The following FBXL13 variants were observed in gnomAD, a reference collection of about 807,000 sequenced individuals.
The protein encoded by FBXL13 is F-box and leucine-rich repeat protein 13.
Under a neutral mutation model 83.6 loss-of-function variants are expected in FBXL13, and 67 were observed. That is an observed-to-expected ratio of 0.80 (90% confidence interval 0.66 to 0.98). The LOEUF (loss-of-function observed/expected upper bound fraction) is 0.98, where lower values mean the gene tolerates loss of function less well. Among genes scored for constraint, FBXL13 ranks in the 50% least tolerant of loss-of-function variants. FBXL13 has a pLI of 0.00. For missense variants in FBXL13, 822 were observed against 866.5 expected (o/e 0.95, Z 0.64); for synonymous variants, 272 against 299.5 (o/e 0.91, Z 0.95).
At chr7:102,981,893 A>T (rs1828276482) in intron 6 of FBXL13, among the ~76,000 whole-genome samples, 1 of 152,184 alleles carries the variant, frequency 6.6e-6, no homozygotes, top group Admixed American at 6.5e-5. Context: ...TATGTTTCCC[A>T]AATTCCATTA....
At chr7:102,976,324 G>A (rs1827450087) in intron 6 of FBXL13, 1 of 634,244 alleles carries the variant, frequency 1.6e-6, no homozygotes, top group Non-Finnish European at 2.8e-6. Flanking sequence ...AGTCTCTATT[G>A]TGGAAATTGA....
intron 10 of FBXL13, among the ~76,000 whole-genome samples, chr7:102,920,552 T>C (rs753762908): frequency 4.6e-5 from 7 of 152,182 alleles, no homozygotes; most frequent in Non-Finnish European, 8.8e-5. Context: ...AGTTTTACCA[T>C]GTTGCCCAGG....
At chr7:102,997,630 T>C (rs1375154010) in intron 6 of FBXL13, among the ~76,000 whole-genome samples, 3 of 152,194 alleles carry the variant, frequency 2.0e-5, no homozygotes, top group Non-Finnish European at 4.4e-5. Context: ...CTCCATGAGA[T>C]CCACTTTTTT....
At chr7:102,834,128 AAG>A (rs1484157041) in intron 17 of FBXL13, among the ~76,000 whole-genome samples, 1 of 104,754 alleles carries the variant, frequency 9.5e-6, no homozygotes, top group Non-Finnish European at 1.9e-5. Context: ...GAAAGAAAGA[AAG>A]AAAGAAAGAA....
At chr7:103,022,584 C>A (rs1793334779) in intron 6 of FBXL13, among the ~76,000 whole-genome samples, 1 of 152,116 alleles carries the variant, frequency 6.6e-6, no homozygotes, top group Non-Finnish European at 1.5e-5. Context: ...AAGAACTCTT[C>A]ATTCAATAAA....
intron 8 of FBXL13, among the ~76,000 whole-genome samples, chr7:102,954,517 G>A (rs1209137218): frequency 2.0e-5 from 3 of 152,106 alleles, no homozygotes; most frequent in Non-Finnish European, 4.4e-5. Context: ...ACATCATAAC[G>A]ACAGGAAAAC....
chr7:102,944,256 C>T (rs773942585), intron 8 of FBXL13: 1 of 1,612,050 alleles, frequency 6.2e-7, no homozygotes, highest in Non-Finnish European at 8.5e-7. Flanking sequence ...ATTTATCAAA[C>T]AACAGTCTGC....
chr7:102,900,656 C>T (rs1403388812), intron 11 of FBXL13, among the ~76,000 whole-genome samples: 1 of 152,138 alleles, frequency 6.6e-6, no homozygotes, highest in Admixed American at 6.5e-5. Flanking sequence ...TTCACCGGTT[C>T]TTCATGAAGC....
At chr7:103,011,703 G>A (rs1223165591) in intron 6 of FBXL13, among the ~76,000 whole-genome samples, 1 of 151,308 alleles carries the variant, frequency 6.6e-6, no homozygotes, top group African/African-American at 2.4e-5. Flanking sequence ...TAATGTACTT[G>A]TAAGTATTAA....
intron 10 of FBXL13, among the ~76,000 whole-genome samples, chr7:102,922,743 C>T (rs56319120): frequency 6.6e-5 from 10 of 152,006 alleles, no homozygotes; most frequent in Non-Finnish European, 1.3e-4. Flanking sequence ...GAGGCCGAGG[C>T]GGGCGGATCA....
intron 17 of FBXL13, among the ~76,000 whole-genome samples, chr7:102,850,073 A>C (rs1196162308): frequency 6.6e-6 from 1 of 152,166 alleles, no homozygotes; most frequent in Non-Finnish European, 1.5e-5. Flanking sequence ...CTTTTAGATT[A>C]CTGAAAATAA....
At chr7:102,900,377 T>A (rs1256315891) in intron 11 of FBXL13, among the ~76,000 whole-genome samples, 1 of 152,228 alleles carries the variant, frequency 6.6e-6, no homozygotes, top group East Asian at 1.9e-4. Flanking sequence ...TGTAAGCTCC[T>A]ATTCTCAAGG....
intron 8 of FBXL13, among the ~76,000 whole-genome samples, chr7:102,944,057 G>A (rs1821974512): frequency 6.6e-6 from 1 of 152,134 alleles, no homozygotes; most frequent in African/African-American, 2.4e-5. Flanking sequence ...GTTTTCTAAA[G>A]TAAAAGCTCT....
Position 102,875,447 on chromosome 7 carries a change from TG to T in FBXL13, c.1635+2019del, listed in dbSNP as rs369179496. Among the ~76,000 whole-genome samples, 565 of 152,094 alleles carry T rather than the reference TG, an allele frequency of 3.7e-3. 5 individuals carry two copies. The highest frequency in any genetic ancestry group is 0.013 in the African/African-American group (558 of 41,486). Reference sequence around the variant, plus strand: ...AGCAAATGCTGAGAAATTCATCATATGGGGGGTCTGTTCTAGACCTTCTCAC... The same window carrying T: ...AGCAAATGCTGAGAAATTCATCATATGGGGGTCTGTTCTAGACCTTCTCAC... On this transcript the variant is annotated intron_variant, in intron 16 of 19. Transcript: ENST00000313221.
At chr7:103,028,939 T>C (rs745987163) in intron 3 of FBXL13, among the ~76,000 whole-genome samples, 191 bp from the exon 5 acceptor site, 13 of 152,082 alleles carry the variant, frequency 8.5e-5, no homozygotes, top group Non-Finnish European at 1.6e-4. Flanking sequence ...GGAGATTATA[T>C]GAGTCATATT....
Position 102,834,878 on chromosome 7 carries a change from ATGTGTGTGTGTG to A in FBXL13, c.1720-1916_1720-1905del, listed in dbSNP as rs57047697. On this transcript the variant is annotated intron_variant, in intron 17 of 19. Coordinates refer to ENST00000313221, the Ensembl canonical transcript of FBXL13. ...ATTAGCTTGATTTAACCATTCCACA[ATGTGTGTGTGTG>A]TGTGTGTGTGTGTGTGTGTGTGTGT... is the stretch of plus-strand genomic sequence containing the variant. 2.3e-3 allele frequency among the ~76,000 whole-genome samples: 336 copies of A among 147,154 alleles called. 2 individuals are homozygous for A. Among genetic ancestry groups the A allele is most frequent in the African/African-American group, 7.0e-3 (279 of 40,018 alleles).
In FBXL13 at chr7:102,960,404, T is replaced by C. The variant is rs922044463; in HGVS notation, c.724+3129A>G. On this transcript the variant is annotated intron_variant, in intron 8 of 19. Transcript: ENST00000313221. ...ATTCACAGCCGAATTCTACCAGAGGTACAAGGAGAAACTGGTACCATTCCT... is the reference window on the plus strand; with the variant it reads ...ATTCACAGCCGAATTCTACCAGAGGCACAAGGAGAAACTGGTACCATTCCT... 5.9e-5 allele frequency among the ~76,000 whole-genome samples: 9 copies of C among 152,126 alleles called. No homozygotes were observed. In the East Asian group the frequency reaches 1.7e-3, roughly 29 times the overall value.
chr7:102,977,986 T>C (rs1467325012), intron 6 of FBXL13, among the ~76,000 whole-genome samples: 3 of 152,212 alleles, frequency 2.0e-5, no homozygotes, highest in African/African-American at 7.2e-5. Flanking sequence ...TTAGGAGATA[T>C]ACCTAATGTT....
chr7:103,053,418 G>A (rs1284508227), intron 2 of FBXL13, among the ~76,000 whole-genome samples: 1 of 152,168 alleles, frequency 6.6e-6, no homozygotes, highest in South Asian at 2.1e-4. Flanking sequence ...CTCCCAAAGT[G>A]CTGGAATTAC....
Sources: allele counts gnomAD v4.1 joint callset (sites outside exome capture counted in the v4.1 genomes callset), GRCh38; gene constraint gnomAD v4.1.1; transcripts MANE v1.5; gene names NCBI Gene and HGNC (gene_info 2026-07-23, HGNC 2026-07-21).